Variants in RANBP3L observed in about 807,000 individuals in gnomAD.
The protein encoded by RANBP3L is ran-binding protein 3-like.
In RANBP3L, 56 loss-of-function variants were observed where a neutral mutation model predicts 67.2. The observed-to-expected ratio is 0.83, with a 90% CI of 0.67 to 1.04. RANBP3L has a LOEUF of 1.04. Ranked by LOEUF, RANBP3L falls within the 50% of genes least tolerant of loss-of-function variation. The probability of loss-of-function intolerance (pLI) is 0.00; values close to 1 mark genes in which losing one functional copy is unlikely to be tolerated. For synonymous variants in RANBP3L, 164 were observed against 181.4 expected (o/e 0.90, Z 0.77); for missense variants, 496 against 535.5 (o/e 0.93, Z 0.73).
intron 2 of RANBP3L, among the ~76,000 whole-genome samples, chr5:36,270,990 C>G (rs1750167294): frequency 6.6e-6 from 1 of 152,102 alleles, no homozygotes; most frequent in Admixed American, 6.6e-5. Context: ...TCAGCTCCTC[C>G]CCTTTTCAAG....
Position 36,256,947 on chromosome 5 carries a change from C to T in RANBP3L, c.897G>A (p.Val299=). Residue 299 remains valine, a synonymous_variant, in exon 10 of 14, where the codon GTG becomes GTA. Coordinates refer to ENST00000296604, the MANE Select transcript of RANBP3L (RefSeq NM_145000.5). ...VITGEETEHN[V]LKINCKLFIF... ...TAAAACATGATATACAGACCTTTAA[C>T]ACATTATGTTCTGTTTCCTCCCCTG... 6.2e-7 allele frequency: 1 copy of T among 1,612,558 alleles called. No homozygotes were observed. The highest frequency in any genetic ancestry group is 8.5e-7 in the Non-Finnish European group (1 of 1,179,028).
intron 11 of RANBP3L, 116 bp downstream of exon 11, chr5:36,255,354 G>A: frequency 9.9e-7 from 1 of 1,005,210 alleles, no homozygotes; most frequent in East Asian, 2.8e-5. Context: ...TCAACAGTCT[G>A]ATTTTTTGGT....
chr5:36,260,380 A>AAT (rs1353230029), intron 8 of RANBP3L, among the ~76,000 whole-genome samples: 16 of 150,548 alleles, frequency 1.1e-4, no homozygotes, highest in African/African-American at 3.9e-4. Flanking sequence ...AAAAAAAAAA[A>AAT]CCAAACTGGC....
intron 12 of RANBP3L, 29 bp from the exon 13 acceptor site, chr5:36,251,528 A>C: frequency 5.2e-6 from 8 of 1,528,156 alleles, no homozygotes; most frequent in Non-Finnish European, 7.1e-6. Flanking sequence ...ATTGTTAAGA[A>C]AATCATTAAT....
chr5:36,263,113 A>C lies in RANBP3L; in HGVS notation c.481-1071T>G, dbSNP rs150383533. Among the ~76,000 whole-genome samples the C allele has an allele frequency of 5.9e-5, 9 of 152,232 alleles. No individual in the cohort carries two copies. The East Asian group carries it at 1.5e-3, about 26-fold the overall frequency. On this transcript the variant is annotated intron_variant, in intron 6 of 13. Transcript: ENST00000296604. Reference sequence around the variant, plus strand: ...CATTTGGTCAAAATTCTTACATAGGATCTTATATACAGTGTGTCTCTGGAT... The same window carrying C: ...CATTTGGTCAAAATTCTTACATAGGCTCTTATATACAGTGTGTCTCTGGAT...
In RANBP3L at chr5:36,256,977, A is replaced by G; in HGVS notation, c.867T>C (p.Val289=). The change falls in exon 10 of 14, where the codon GTT becomes GTC. Residue 289 remains valine, a synonymous_variant. Coordinates refer to ENST00000296604, the MANE Select transcript of RANBP3L (RefSeq NM_145000.5). ...SRKCLLEKID[V]ITGEETEHNV... ...TATGTTCTGTTTCCTCCCCTGTTAT[A>G]ACATCAATTTTCTCCAGCAAGCATT... The G allele has an allele frequency of 6.2e-7, 1 of 1,613,262 alleles. No individual in the cohort carries two copies. The highest frequency in any genetic ancestry group is 1.1e-5 in the South Asian group (1 of 90,992).
At chr5:36,297,151 T>C (rs1752274997) in intron 1 of RANBP3L, among the ~76,000 whole-genome samples, 1 of 148,410 alleles carries the variant, frequency 6.7e-6, no homozygotes, top group East Asian at 1.9e-4. Flanking sequence ...ACATATTTTA[T>C]ATATTATATG....
rs1334421452 is a variant in RANBP3L, at chr5:36,247,774, C to G, written c.*1880G>C. Among the ~76,000 whole-genome samples the G allele has an allele frequency of 2.6e-5, 4 of 152,180 alleles. No individual in the cohort carries two copies. Among genetic ancestry groups the G allele is most frequent in the African/African-American group, 9.6e-5 (4 of 41,454 alleles). ...TGGCGGGCGCCTGTAATCCCAGCTA[C>G]TCAGGAGGCTGAGTGAGGCACGAGA... On this transcript the variant is annotated 3_prime_UTR_variant, in exon 14 of 14. Transcript: ENST00000296604.
chr5:36,251,817 T>C (rs1233328572), intron 12 of RANBP3L, among the ~76,000 whole-genome samples: 1 of 152,116 alleles, frequency 6.6e-6, no homozygotes, highest in South Asian at 2.1e-4. Context: ...TTTTACACTA[T>C]AGAAAATTGT....
chr5:36,276,831 C>T (rs980587884), intron 1 of RANBP3L, among the ~76,000 whole-genome samples: 1 of 152,076 alleles, frequency 6.6e-6, no homozygotes, highest in African/African-American at 2.4e-5. Flanking sequence ...AATGGAGTAC[C>T]TTTGGCTCCA....
intron 1 of RANBP3L, among the ~76,000 whole-genome samples, chr5:36,289,106 A>G (rs1751528651): frequency 6.6e-6 from 1 of 152,076 alleles, no homozygotes; most frequent in South Asian, 2.1e-4. Flanking sequence ...TGTGTGAGGT[A>G]GGTATTGTGG....
chr5:36,256,238 A>G (rs556067279), intron 10 of RANBP3L, among the ~76,000 whole-genome samples: 65 of 152,232 alleles, frequency 4.3e-4, no homozygotes, highest in Middle Eastern at 6.8e-3. Flanking sequence ...AATTACTTCA[A>G]TAAGACTGGA....
At chr5:36,275,313 G>A (rs1342032556) in intron 1 of RANBP3L, among the ~76,000 whole-genome samples, 2 of 152,170 alleles carry the variant, frequency 1.3e-5, no homozygotes, top group East Asian at 1.9e-4. Flanking sequence ...CTAAGGCTTG[G>A]TTTAGTGCCT....
rs768607542 is a variant in RANBP3L at position 36,301,383 on chromosome 5, G to T, written c.34C>A (p.Leu12Met). 2.5e-6 allele frequency: 4 copies of T among 1,613,744 alleles called. No homozygotes were observed. Among genetic ancestry groups the T allele is most frequent in the Non-Finnish European group, 3.4e-6 (4 of 1,179,786 alleles). Residue 12 changes from leucine (L) to methionine (M), a missense_variant, in exon 1 of 14, where the codon CTG becomes ATG. By Grantham distance (15) the Leu-to-Met change is conservative. Transcript: ENST00000296604. ...TTIPRKGSSH[L>M]PGSLHTCKLK... ...TTACAGGTGTGCAAACTGCCAGGCA[G>T]GTGGCTGCTGCCTTTTCTTGGTATG... is the stretch of plus-strand genomic sequence containing the variant.
chr5:36,251,487 C>T lies in RANBP3L; in HGVS notation c.1180G>A (p.Asp394Asn). The T allele has an allele frequency of 6.2e-7, 1 of 1,607,606 alleles. No homozygotes were observed. Among genetic ancestry groups the T allele is most frequent in the East Asian group, 2.2e-5 (1 of 44,758 alleles). The change falls in exon 13 of 14, where the codon GAT (aspartate) becomes AAT (asparagine). Residue 394 changes from aspartate (D) to asparagine (N), a missense_variant. Transcript: ENST00000296604. ...KIFLIQASAQ[D>N]TAYLYAAIHH... ...ATTGCTGCATACAAATATGCTGTAT[C>T]TTGGGCACTGGCCTGCATGAGGAAC...
rs549106652 is a variant in RANBP3L, at chr5:36,288,595, G to T, written c.91+12731C>A. 3.9e-5 allele frequency among the ~76,000 whole-genome samples: 6 copies of T among 152,214 alleles called. No homozygotes were observed. In the South Asian group the frequency reaches 1.0e-3, roughly 26 times the overall value. On this transcript the variant is annotated intron_variant, in intron 1 of 13. Coordinates refer to ENST00000296604, the MANE Select transcript of RANBP3L (RefSeq NM_145000.5). ...GTGGTTTTTACCACTTTCCAGCAGC[G>T]AGTGAGTTCTGGTTGTTTCACATCT...
At chr5:36,261,877 G>T in intron 7 of RANBP3L, 62 bp downstream of exon 7, 1 of 811,812 alleles carries the variant, frequency 1.2e-6, no homozygotes, top group East Asian at 2.5e-5. Flanking sequence ...TCCATGAATG[G>T]TTATAATAAT....
chr5:36,250,322 C>CA (rs946372929), intron 13 of RANBP3L, among the ~76,000 whole-genome samples: 3 of 151,112 alleles, frequency 2.0e-5, no homozygotes, highest in East Asian at 1.9e-4. Context: ...CTTAAAGTAG[C>CA]AAAAAAAATC....
chr5:36,269,941 A>T lies in RANBP3L; in HGVS notation c.190+10T>A. On this transcript the variant is annotated intron_variant, in intron 3 of 13. Transcript: ENST00000296604. ...AGATTGATTTTGGAATACAGGATGA[A>T]AATCATTACCTGGTTCTGCTGCTTC... 2 of 1,611,786 alleles carry T rather than the reference A, an allele frequency of 1.2e-6. No individual in the cohort carries two copies. Among genetic ancestry groups the T allele is most frequent in the Non-Finnish European group, 1.7e-6 (2 of 1,177,810 alleles).
Sources: gnomAD v4.1 joint callset for allele counts (sites outside exome capture counted in the v4.1 genomes callset) on GRCh38, gnomAD v4.1.1 for gene constraint, MANE v1.5 for transcripts, NCBI Gene and HGNC (gene_info 2026-07-23, HGNC 2026-07-21) for gene names.